RAPH1: variants seen among roughly 807,000 people sequenced by gnomAD.
RAPH1 encodes Ras association (RalGDS/AF-6) and pleckstrin homology domains 1.
A neutral mutation model predicts 88.1 loss-of-function variants in RAPH1; 18 were observed. The observed-to-expected ratio is 0.20, with a 90% CI of 0.14 to 0.30. The LOEUF is 0.30. Ranked by LOEUF, RAPH1 falls within the 10% of genes least tolerant of loss-of-function variation. The pLI is 1.00. For missense variants in RAPH1, 1,448 were observed against 1,543.2 expected (o/e 0.94, Z 1.03); for synonymous variants, 587 against 559.0 (o/e 1.05, Z -0.71).
intron 4 of RAPH1, among the ~76,000 whole-genome samples, chr2:203,464,832 G>A (rs761592571): frequency 9.2e-5 from 14 of 151,988 alleles, no homozygotes; most frequent in Non-Finnish European, 1.5e-4. Context: ...TTTAAAAATA[G>A]GCAAAAGACC....
chr2:203,498,941 GTC>G (rs1688625125), intron 1 of RAPH1, among the ~76,000 whole-genome samples: 1 of 150,190 alleles, frequency 6.7e-6, no homozygotes, highest in South Asian at 2.1e-4. Flanking sequence ...TATTACAATT[GTC>G]TATAGTGTTC....
chr2:203,500,031 G>A (rs1461625537), intron 1 of RAPH1, among the ~76,000 whole-genome samples: 2 of 152,164 alleles, frequency 1.3e-5, no homozygotes, highest in Non-Finnish European at 2.9e-5. Context: ...AGTGCTCAAT[G>A]TTCCAAAGAC....
At chr2:203,496,879 C>G (rs1380748466) in intron 1 of RAPH1, among the ~76,000 whole-genome samples, 2 of 152,090 alleles carry the variant, frequency 1.3e-5, no homozygotes, top group Non-Finnish European at 2.9e-5. Flanking sequence ...TAGATCTAGG[C>G]AATATTTGGA....
In RAPH1 at chr2:203,457,192, T is replaced by A. The variant is rs1293620106; in HGVS notation, c.1158+338A>T. Among the ~76,000 whole-genome samples the A allele has an allele frequency of 5.1e-4, 78 of 152,010 alleles. 1 individual carries two copies. In the East Asian group the frequency reaches 0.015, roughly 29 times the overall value. ...ATATTTTATTTTATTTATTTATTTATTTATTTATTTTATTGAGACAGAGTC... is the reference window on the plus strand; with the variant it reads ...ATATTTTATTTTATTTATTTATTTAATTATTTATTTTATTGAGACAGAGTC... On this transcript the variant is annotated intron_variant, in intron 8 of 13. Coordinates refer to ENST00000319170, the MANE Select transcript of RAPH1 (RefSeq NM_213589.3).
At chr2:203,487,866 C>T (rs72926472) in intron 4 of RAPH1, among the ~76,000 whole-genome samples, 3,664 of 152,074 alleles carry the variant, frequency 0.024, 65 homozygotes, top group Non-Finnish European at 0.04. Flanking sequence ...AACAAAGCTA[C>T]GCACATGGGT....
In RAPH1 at chr2:203,448,670, A is replaced by T; in HGVS notation, c.1512+68T>A. Reference sequence around the variant, plus strand: ...ACATGAAATAGTCAGAATAGTTGTCATGAAAACGAAAACTATATCATCGAC... The same window carrying T: ...ACATGAAATAGTCAGAATAGTTGTCTTGAAAACGAAAACTATATCATCGAC... On this transcript the variant is annotated intron_variant, in intron 11 of 13. Transcript: ENST00000319170. This position sits in a 1 kb window ranked among gnomAD's most constrained non-coding sequence, Gnocchi z 4.1. 9.0e-7 allele frequency: 1 copy of T among 1,114,162 alleles called. No individual in the cohort carries two copies. Among genetic ancestry groups the T allele is most frequent in the Non-Finnish European group, 1.3e-6 (1 of 767,704 alleles). The allele number at this position is 1,114,162 out of a possible 1,614,324, so 69.0% of individuals were successfully genotyped here. A position where few individuals can be genotyped will look rare whatever the true frequency, so the allele number is the denominator to read the frequency against.
At chr2:203,514,233 C>G (rs2105936562) in intron 1 of RAPH1, among the ~76,000 whole-genome samples, 1 of 152,318 alleles carries the variant, frequency 6.6e-6, no homozygotes, top group African/African-American at 2.4e-5. Flanking sequence ...AGGGAGCCAG[C>G]TTTCCCACCT....
chr2:203,444,998 T>G lies in RAPH1; in HGVS notation c.1646A>C (p.Asn549Thr). 3 of 1,613,230 alleles carry G rather than the reference T, an allele frequency of 1.9e-6. No homozygotes were observed. Among genetic ancestry groups the G allele is most frequent in the African/African-American group, 1.3e-5 (1 of 75,008 alleles). The change falls in exon 13 of 14, where the codon AAC becomes ACC. Residue 549 changes from asparagine (N) to threonine (T), a missense_variant. Asn to Thr is a moderately conservative substitution (Grantham distance 65, BLOSUM62 0). Transcript: ENST00000319170. ...SSSSIPESQS[N>T]HSNQSDSGVS... The stretch of plus-strand genomic sequence containing the variant: ...TCCGCTATCAGACTGATTGGAGTGG[T>G]TTGACTGAGACTCTGTTTAAAATAG...
rs1156303327 is a variant in RAPH1 at position 203,436,964 on chromosome 2, CT to C, written c.*2472del. ...AAACATTTTTAATAGCCATTTCTGTCTGTGGAGGAATGTAAAGGGAAATGGC... is the reference window on the plus strand; with the variant it reads ...AAACATTTTTAATAGCCATTTCTGTCGTGGAGGAATGTAAAGGGAAATGGC... On this transcript the variant is annotated 3_prime_UTR_variant, in exon 14 of 14. Transcript: ENST00000319170. 1 of 152,228 alleles carries C rather than the reference CT, an allele frequency of 6.6e-6. No homozygotes were observed. The highest frequency in any genetic ancestry group is 1.5e-5 in the Non-Finnish European group (1 of 68,012). 9.4% of individuals were successfully genotyped at this position (152,228 alleles called of 1,614,324 possible).
rs746646794 is a variant in RAPH1 at position 203,489,923 on chromosome 2, G to A, written c.393C>T (p.Gly131=). The change falls in exon 4 of 14, where the codon GGC becomes GGT. Residue 131 remains glycine (G), a synonymous_variant. Coordinates refer to ENST00000319170, the MANE Select transcript of RAPH1 (RefSeq NM_213589.3). ...ATGAAGAAGATAATCCTTTCAAGGTGCCATGTTTCAATGTATGTCGGCTAA... is the reference window on the plus strand; with the variant it reads ...ATGAAGAAGATAATCCTTTCAAGGTACCATGTTTCAATGTATGTCGGCTAA... ...LPVSRHTLKH[G]TLKGLSSSSN... The A allele has an allele frequency of 6.2e-6, 10 of 1,614,080 alleles. No individual in the cohort carries two copies. The Admixed American group carries it at 6.7e-5, about 11-fold the overall frequency.
chr2:203,471,519 G>C (rs546125000), intron 4 of RAPH1, among the ~76,000 whole-genome samples: 4 of 152,192 alleles, frequency 2.6e-5, no homozygotes, highest in Non-Finnish European at 1.5e-5. Context: ...GGCTGCTGCA[G>C]AAGAATCGCT....
chr2:203,445,189 C>T (rs1311623371), intron 12 of RAPH1, 179 bp from the exon 13 acceptor site: 1 of 478,672 alleles, frequency 2.1e-6, no homozygotes, highest in East Asian at 3.3e-5. Context: ...CTTCCCTTAC[C>T]TTGGAATTAA....
chr2:203,453,545 CAAAAAAAAAAAAAAAAAA>C (rs59304139), intron 10 of RAPH1, among the ~76,000 whole-genome samples: 3 of 28,272 alleles, frequency 1.1e-4, no homozygotes, highest in South Asian at 2.9e-3. Flanking sequence ...GACCCTGCCT[CAAAAAAAAAAAAAAAAAA>C]AAAAAAAAAA....
intron 1 of RAPH1, among the ~76,000 whole-genome samples, chr2:203,508,029 A>C (rs933478946): frequency 2.6e-5 from 4 of 151,442 alleles, no homozygotes; most frequent in Non-Finnish European, 5.9e-5. Flanking sequence ...TGGCTAACAC[A>C]GTGAAACCCC....
At chr2:203,514,335 T>G (rs1228864855) in intron 1 of RAPH1, among the ~76,000 whole-genome samples, 1 of 152,236 alleles carries the variant, frequency 6.6e-6, no homozygotes, top group African/African-American at 2.4e-5. Flanking sequence ...CTTTGACTTC[T>G]AATTTAATAC....
chr2:203,467,428 TA>T (rs35484682), intron 4 of RAPH1, among the ~76,000 whole-genome samples: 15,479 of 141,848 alleles, frequency 0.11, 1,536 homozygotes, highest in African/African-American at 0.27. Context: ...CCGTCTCTAC[TA>T]AAAAAAAAAA....
chr2:203,509,595 T>G lies in RAPH1; in HGVS notation c.1-14242A>C, dbSNP rs1422067791. Among the ~76,000 whole-genome samples the G allele has an allele frequency of 2.6e-5, 4 of 152,332 alleles. No individual in the cohort carries two copies. The East Asian group carries it at 7.7e-4, about 29-fold the overall frequency. On this transcript the variant is annotated intron_variant, in intron 1 of 13. Coordinates refer to ENST00000319170, the MANE Select transcript of RAPH1 (RefSeq NM_213589.3). ...GTAAATCACTTCTATTTTGCATTATTCATTAACATATTTCCTGACCTCTTC... is the reference window on the plus strand; with the variant it reads ...GTAAATCACTTCTATTTTGCATTATGCATTAACATATTTCCTGACCTCTTC...
At chr2:203,477,573 T>C (rs1306786787) in intron 4 of RAPH1, among the ~76,000 whole-genome samples, 2 of 152,210 alleles carry the variant, frequency 1.3e-5, no homozygotes, top group Middle Eastern at 3.2e-3. Context: ...CTTCCCTCTC[T>C]TCATATGACT....
At chr2:203,493,611 A>C (rs1028435545) in intron 2 of RAPH1, among the ~76,000 whole-genome samples, 31 of 152,200 alleles carry the variant, frequency 2.0e-4, no homozygotes, top group Non-Finnish European at 4.4e-5. Context: ...ATCTCTGACA[A>C]AAAATGTCAC....
Sources: allele counts gnomAD v4.1 joint callset (sites outside exome capture counted in the v4.1 genomes callset), GRCh38; gene constraint gnomAD v4.1.1; non-coding constraint Gnocchi (gnomAD v3.1); transcripts MANE v1.5; gene names NCBI Gene and HGNC (gene_info 2026-07-23, HGNC 2026-07-21).